Variants in MDM1 observed in about 807,000 individuals in gnomAD.
MDM1 encodes Mdm1 nuclear protein.
Under a neutral mutation model 89.1 loss-of-function variants are expected in MDM1, and 61 were observed. That is an observed-to-expected ratio of 0.68 (90% CI 0.56 to 0.85). MDM1 has a LOEUF of 0.85. MDM1 is among the 40% of genes least tolerant of loss of function. The probability of loss-of-function intolerance (pLI) is 0.00; values close to 1 mark genes in which losing one functional copy is unlikely to be tolerated. For synonymous variants in MDM1, 290 were observed against 294.1 expected, an observed-to-expected ratio of 0.99 and a Z score of 0.14; for missense variants, 820 against 846.5, an observed-to-expected ratio of 0.97 and a Z score of 0.39.
At position 68,317,587 on chromosome 12, in the gene MDM1, C is replaced by T. The variant is rs146187606; in HGVS notation, c.1006-977G>A. On this transcript the variant is annotated intron_variant, in intron 7 of 14. Coordinates refer to ENST00000682720, the MANE Select transcript of MDM1 (RefSeq NM_001354969.2). ...CATATAATCCCAACAGAGTCCTACTCTAATGAACCATACCTGAAAAAAGTT... is the reference window on the plus strand; with the variant it reads ...CATATAATCCCAACAGAGTCCTACTTTAATGAACCATACCTGAAAAAAGTT... Among the ~76,000 whole-genome samples, 24 of 152,226 alleles carry T rather than the reference C, an allele frequency of 1.6e-4. No homozygotes were observed. The East Asian group carries it at 4.4e-3, about 28-fold the overall frequency.
intron 14 of MDM1, among the ~76,000 whole-genome samples, chr12:68,295,978 C>T (rs1871321064): frequency 6.6e-6 from 1 of 152,130 alleles, no homozygotes. Context: ...TCAAAACATA[C>T]AACTTGATTT....
chr12:68,296,276 G>A (rs778508038), intron 14 of MDM1, among the ~76,000 whole-genome samples: 2 of 152,302 alleles, frequency 1.3e-5, no homozygotes, highest in South Asian at 2.1e-4. Flanking sequence ...AAGGTGGGCG[G>A]ATCACAAGGT....
At chr12:68,321,747 G>A (rs1204887613) in intron 5 of MDM1, 119 bp from the exon 6 acceptor site, 1 of 561,922 alleles carries the variant, frequency 1.8e-6, no homozygotes, top group East Asian at 3.0e-5. Flanking sequence ...AGAAGCTTTA[G>A]ATACTAAAGA....
At position 68,332,235 on chromosome 12, in the gene MDM1, C is replaced by G. The variant is rs925250920; in HGVS notation, c.11G>C (p.Arg4Pro). The change falls in exon 1 of 15, where the codon CGC becomes CCC. Residue 4 changes from arginine to proline, a missense_variant. Coordinates refer to ENST00000682720, the MANE Select transcript of MDM1 (RefSeq NM_001354969.2). MPV[R>P]FKGLSEYQRN... ...CGGGGACCCCAGCCTCACCTTGAAG[C>G]GCACCGGCATGTCGCCCGGCGCCGG... 3 of 1,581,618 alleles carry G rather than the reference C, an allele frequency of 1.9e-6. No individual in the cohort carries two copies. The highest frequency in any genetic ancestry group is 3.5e-5 in the Admixed American group (2 of 56,374).
rs1420157180 is a variant in MDM1 at position 68,295,383 on chromosome 12, C to T, written c.2063-17G>A. 2.0e-6 allele frequency: 3 copies of T among 1,524,224 alleles called. No individual in the cohort carries two copies. The highest frequency in any genetic ancestry group is 2.8e-5 in the African/African-American group (2 of 72,488). 94.4% of individuals were successfully genotyped at this position (1,524,224 alleles called of 1,614,324 possible). The stretch of plus-strand genomic sequence containing the variant: ...TGTCCTCATCTGCAATGAAAAAATC[C>T]CGAGATTATATTCATTGCCAAAAAT... On this transcript the variant is annotated splice_polypyrimidine_tract_variant and intron_variant, in intron 14 of 14. Transcript: ENST00000682720.
At chr12:68,325,165 A>C (rs1333728662) in intron 4 of MDM1, 1 of 1,056,638 alleles carries the variant, frequency 9.5e-7, no homozygotes, top group Non-Finnish European at 1.1e-6. Flanking sequence ...AGCATGCAAA[A>C]ACTTACCAGT....
At position 68,316,081 on chromosome 12, in the gene MDM1, G is replaced by C. The variant is rs1421558165; in HGVS notation, c.1208C>G (p.Ala403Gly). The change falls in exon 9 of 15, where the codon GCT becomes GGT. Residue 403 changes from alanine to glycine, a missense_variant. Coordinates refer to ENST00000682720, the MANE Select transcript of MDM1 (RefSeq NM_001354969.2). ...VSSNIRALDL[A>G]GDPTSHKTLQ... is the part of the protein sequence containing the mutation. The stretch of plus-strand genomic sequence containing the variant: ...CCATCCACAAAGAATATCTCACCCA[G>C]CAAGATCTAATGCTCTGATGTTGCT... 1 of 1,600,594 alleles carries C rather than the reference G, an allele frequency of 6.2e-7. No homozygotes were observed. Among genetic ancestry groups the C allele is most frequent in the Non-Finnish European group, 8.5e-7 (1 of 1,173,104 alleles).
intron 7 of MDM1, among the ~76,000 whole-genome samples, chr12:68,317,896 TCAG>T (rs540216310): frequency 3.1e-4 from 47 of 152,342 alleles, no homozygotes; most frequent in African/African-American, 1.0e-3. Flanking sequence ...CCTACATGCC[TCAG>T]CATCACTTCC....
chr12:68,313,893 G>C, intron 10 of MDM1, 140 bp from the exon 11 acceptor site: 2 of 660,564 alleles, frequency 3.0e-6, no homozygotes, highest in Admixed American at 2.8e-5. Flanking sequence ...CGTAATCCCA[G>C]CACTTTGGGA....
chr12:68,317,079 T>C (rs552114744), intron 7 of MDM1, among the ~76,000 whole-genome samples: 3 of 151,962 alleles, frequency 2.0e-5, no homozygotes, highest in Non-Finnish European at 4.4e-5. Flanking sequence ...TTTAAAATAA[T>C]AGCCCATAAA....
At chr12:68,325,280 T>C in intron 4 of MDM1, 161 bp downstream of exon 4, 1 of 1,302,718 alleles carries the variant, frequency 7.7e-7, no homozygotes, top group Non-Finnish European at 9.8e-7. Flanking sequence ...CCATAAATCA[T>C]AAGTAATAGG....
rs1385798047 is a variant in MDM1 at position 68,315,186 on chromosome 12, G to A, written c.1291C>T (p.Pro431Ser). 6.2e-7 allele frequency: 1 copy of A among 1,614,154 alleles called. No individual in the cohort carries two copies. Residue 431 changes from proline (P) to serine (S), a missense_variant, in exon 10 of 15, where the codon CCC becomes TCC. Pro to Ser is a moderately conservative substitution (Grantham distance 74). Coordinates refer to ENST00000682720, the MANE Select transcript of MDM1 (RefSeq NM_001354969.2). ...EEKGNIVEEQ[P>S]QKNTTEKLGV... ...AATTTCTCCGTGGTATTTTTCTGGG[G>A]CTGTTCTTCCACGATATTTCCTTTT...
intron 4 of MDM1, chr12:68,325,060 A>G (rs1875761007): frequency 3.1e-6 from 3 of 966,366 alleles, no homozygotes; most frequent in South Asian, 9.6e-5. Flanking sequence ...CGCCTTTCTT[A>G]GAATACAGGA....
In MDM1 at chr12:68,315,121, C is replaced by T. The variant is rs1175780611; in HGVS notation, c.1356G>A (p.Leu452=). The T allele has an allele frequency of 4.3e-6, 7 of 1,614,036 alleles. No homozygotes were observed. Among genetic ancestry groups the T allele is most frequent in the Non-Finnish European group, 5.9e-6 (7 of 1,180,040 alleles). Residue 452 remains leucine, a synonymous_variant, in exon 10 of 15, where the codon CTG becomes CTA. Coordinates refer to ENST00000682720, the MANE Select transcript of MDM1 (RefSeq NM_001354969.2). The part of the protein sequence containing the change: ...SAPTIPVRRR[L]AWDTENTSED... ...CACTTGTGTTCTCTGTATCCCAAGC[C>T]AGCCGCCTTCTAACGGGTATGGTGG...
rs559977603 is a variant in MDM1, at chr12:68,323,774, C to T, written c.634-534G>A. Among the ~76,000 whole-genome samples the T allele has an allele frequency of 4.6e-5, 7 of 152,288 alleles. No homozygotes were observed. In the East Asian group the frequency reaches 1.3e-3, roughly 29 times the overall value. ...ATGGTTTCTATTTCACGGCATATTACCACTGATTACAAGGAAAGCAAATGG... is the reference window on the plus strand; with the variant it reads ...ATGGTTTCTATTTCACGGCATATTATCACTGATTACAAGGAAAGCAAATGG... On this transcript the variant is annotated intron_variant, in intron 4 of 14. Coordinates refer to ENST00000682720, the MANE Select transcript of MDM1 (RefSeq NM_001354969.2).
chr12:68,320,505 C>T (rs867761837), intron 7 of MDM1, among the ~76,000 whole-genome samples: 3 of 152,164 alleles, frequency 2.0e-5, no homozygotes, highest in African/African-American at 2.4e-5. Flanking sequence ...GCTCAAAGAA[C>T]CAGCAGCTCA....
intron 2 of MDM1, chr12:68,327,312 C>A (rs1431959068): frequency 2.1e-6 from 3 of 1,428,316 alleles, no homozygotes; most frequent in African/African-American, 2.9e-5. Context: ...AGAATTGCAA[C>A]GTGATAGACC....
chr12:68,321,681 T>C (rs1875257841), intron 5 of MDM1, 53 bp from the exon 6 acceptor site: 4 of 1,141,994 alleles, frequency 3.5e-6, no homozygotes, highest in Non-Finnish European at 5.1e-6. Flanking sequence ...CACATTAAAG[T>C]GAAAACATGC....
rs1876090241 is a variant in MDM1, at chr12:68,326,973, T to C, written c.182A>G (p.His61Arg). The C allele has an allele frequency of 2.5e-6, 4 of 1,612,918 alleles. No homozygotes were observed. The highest frequency in any genetic ancestry group is 1.1e-5 in the South Asian group (1 of 91,004). Residue 61 changes from histidine to arginine, a missense_variant, in exon 3 of 15, where the codon CAT (histidine) becomes CGT (arginine). Coordinates refer to ENST00000682720, the MANE Select transcript of MDM1 (RefSeq NM_001354969.2). ...CAGAGATTTTGAAATCTGTGGGTCA[T>C]GGTAAGGGACTCTTCTTTTTGAAAT... ...SFISKRRVPY[H>R]DPQISKSLEW...
Sources: allele counts gnomAD v4.1 joint callset (sites outside exome capture counted in the v4.1 genomes callset), GRCh38; gene constraint gnomAD v4.1.1; transcripts MANE v1.5; gene names NCBI Gene and HGNC (gene_info 2026-07-23, HGNC 2026-07-21).